The following BMPR1B variants were observed in gnomAD, a reference collection of about 807,000 sequenced individuals.
BMPR1B encodes bone morphogenetic protein receptor type-1B.
BMPR1B carries 12 observed loss-of-function variants against 59.1 expected under a neutral mutation model. That is an observed-to-expected ratio of 0.20 (90% CI 0.13 to 0.33). The LOEUF (loss-of-function observed/expected upper bound fraction) is 0.33. BMPR1B is among the 10% of genes least tolerant of loss of function. The pLI is 1.00. For synonymous variants in BMPR1B, 237 were observed against 207.3 expected, an observed-to-expected ratio of 1.14 and a Z score of -1.23; for missense variants, 550 against 610.9, an observed-to-expected ratio of 0.90 and a Z score of 1.05.
intron 3 of BMPR1B, among the ~76,000 whole-genome samples, chr4:95,043,728 A>G (rs1350856190): frequency 6.6e-6 from 1 of 152,198 alleles, no homozygotes; most frequent in East Asian, 1.9e-4. Context: ...ATATTTTAAG[A>G]GAACACAGTT....
chr4:95,067,917 C>T (rs867668507), intron 3 of BMPR1B, among the ~76,000 whole-genome samples: 40 of 152,090 alleles, frequency 2.6e-4, no homozygotes, highest in Admixed American at 1.3e-4. Context: ...AGGTCTGAAT[C>T]AAGTTGAGAA....
chr4:95,067,239 G>A (rs1009836574), intron 3 of BMPR1B, among the ~76,000 whole-genome samples: 1 of 152,144 alleles, frequency 6.6e-6, no homozygotes, highest in South Asian at 2.1e-4. Flanking sequence ...AAGTCCTGAA[G>A]GTATAATCCA....
intron 1 of BMPR1B, among the ~76,000 whole-genome samples, chr4:94,771,764 C>T (rs1722193760): frequency 6.6e-6 from 1 of 152,124 alleles, no homozygotes; most frequent in African/African-American, 2.4e-5. Flanking sequence ...TATTGTCTAA[C>T]TACAGTGACA....
chr4:94,975,330 TAATA>T (rs984676167), intron 2 of BMPR1B, among the ~76,000 whole-genome samples: 4 of 151,698 alleles, frequency 2.6e-5, no homozygotes, highest in Non-Finnish European at 5.9e-5. Flanking sequence ...CTTTTCATTT[TAATA>T]AATAAAATCT....
chr4:94,938,843 A>G (rs945762395), intron 2 of BMPR1B, among the ~76,000 whole-genome samples: 5 of 151,964 alleles, frequency 3.3e-5, no homozygotes, highest in Non-Finnish European at 5.9e-5. Context: ...CTGTGTCTAC[A>G]ATTTATTTAT....
At chr4:94,983,144 C>T (rs916982272) in intron 2 of BMPR1B, among the ~76,000 whole-genome samples, 4 of 152,114 alleles carry the variant, frequency 2.6e-5, no homozygotes, top group East Asian at 1.9e-4. Flanking sequence ...GGTGTCAGCT[C>T]CAAGGGCTCT....
At chr4:94,776,914 A>T (rs1722392233) in intron 1 of BMPR1B, among the ~76,000 whole-genome samples, 1 of 152,178 alleles carries the variant, frequency 6.6e-6, no homozygotes, top group South Asian at 2.1e-4. Flanking sequence ...TTTCTCCTAA[A>T]TTATTTTTAG....
At chr4:94,773,224 A>G (rs927333165) in intron 1 of BMPR1B, among the ~76,000 whole-genome samples, 1 of 152,116 alleles carries the variant, frequency 6.6e-6, no homozygotes, top group Non-Finnish European at 1.5e-5. Flanking sequence ...AAAATGGAAT[A>G]TTGGCCAACT....
intron 2 of BMPR1B, among the ~76,000 whole-genome samples, chr4:94,884,448 C>T (rs984605627): frequency 9.9e-5 from 15 of 152,062 alleles, no homozygotes; most frequent in African/African-American, 3.6e-4. Context: ...GTCACTTGAA[C>T]TCAGGAGGCT....
rs1456392617 is a variant in BMPR1B, at chr4:94,761,917, A to G, written c.-183+3849A>G. Among the ~76,000 whole-genome samples, 3 of 152,202 alleles carry G rather than the reference A, an allele frequency of 2.0e-5. No individual in the cohort carries two copies. In the South Asian group the frequency reaches 6.2e-4, roughly 31 times the overall value. The stretch of plus-strand genomic sequence containing the variant: ...AAGGAGGGGTTGCGGCTAGAAAGGT[A>G]GATTAAAAAGTCGCTTATATGACTT... On this transcript the variant is annotated intron_variant, in intron 1 of 12. Coordinates refer to ENST00000515059, the MANE Select transcript of BMPR1B (RefSeq NM_001203.3).
intron 1 of BMPR1B, among the ~76,000 whole-genome samples, chr4:94,783,254 C>T (rs1361842554): frequency 6.6e-6 from 1 of 152,184 alleles, no homozygotes; most frequent in Non-Finnish European, 1.5e-5. Context: ...GGCCACTCTG[C>T]TGGGGTAGTT....
intron 1 of BMPR1B, among the ~76,000 whole-genome samples, chr4:94,760,792 T>C (rs927098787): frequency 6.6e-6 from 1 of 152,224 alleles, no homozygotes; most frequent in Non-Finnish European, 1.5e-5. Flanking sequence ...TGGTATGTGA[T>C]AGATACTCAA....
intron 3 of BMPR1B, among the ~76,000 whole-genome samples, chr4:95,039,179 T>C (rs891622891): frequency 2.0e-5 from 3 of 152,184 alleles, no homozygotes; most frequent in Non-Finnish European, 2.9e-5. Flanking sequence ...GCGTCACTGG[T>C]TTTATCTGAT....
At chr4:94,972,626 A>AT (rs140041797) in intron 2 of BMPR1B, among the ~76,000 whole-genome samples, 14,792 of 148,060 alleles carry the variant, frequency 0.1, 1,440 homozygotes, top group African/African-American at 0.26. Context: ...GGTTTCTTCC[A>AT]TTTTTTTTTT....
intron 1 of BMPR1B, among the ~76,000 whole-genome samples, chr4:94,809,725 A>G (rs751409190): frequency 4.6e-5 from 7 of 152,232 alleles, no homozygotes; most frequent in Non-Finnish European, 8.8e-5. Flanking sequence ...GAAACAATGG[A>G]CAAGAATTTG....
At chr4:95,071,898 C>T (rs1206653122) in intron 3 of BMPR1B, among the ~76,000 whole-genome samples, 2 of 151,722 alleles carry the variant, frequency 1.3e-5, no homozygotes, top group Non-Finnish European at 2.9e-5. Flanking sequence ...TCCAGAGAAA[C>T]AGAGCCAATA....
intron 3 of BMPR1B, among the ~76,000 whole-genome samples, chr4:95,075,710 T>C (rs1053760435): frequency 4.6e-5 from 7 of 151,992 alleles, no homozygotes; most frequent in Non-Finnish European, 2.9e-5. Flanking sequence ...TCATATTTTT[T>C]GAGAGAATTT....
In BMPR1B at chr4:94,921,731, A is replaced by G. The variant is rs182151632; in HGVS notation, c.-113+45831A>G. 2.0e-5 allele frequency among the ~76,000 whole-genome samples: 3 copies of G among 152,302 alleles called. No individual in the cohort carries two copies. In the East Asian group the frequency reaches 5.8e-4, roughly 29 times the overall value. ...ATTCAAAATGAGATTTGGTGGGGGC[A>G]CAGATCCAATTATATCAATAAATAC... On this transcript the variant is annotated intron_variant, in intron 2 of 12. Transcript: ENST00000515059.
At chr4:94,846,549 G>A (rs1053268773) in intron 1 of BMPR1B, among the ~76,000 whole-genome samples, 4 of 152,064 alleles carry the variant, frequency 2.6e-5, no homozygotes, top group South Asian at 2.1e-4. Flanking sequence ...TCTTTCTCCC[G>A]TGCTGGATGC....
Sources: gnomAD v4.1 joint callset for allele counts (sites outside exome capture counted in the v4.1 genomes callset) on GRCh38, gnomAD v4.1.1 for gene constraint, MANE v1.5 for transcripts, NCBI Gene and HGNC (gene_info 2026-07-23, HGNC 2026-07-21) for gene names.